APBA2: variants seen among roughly 807,000 people sequenced by gnomAD.
APBA2 encodes the protein amyloid-beta A4 precursor protein-binding family A member 2.
A neutral mutation model predicts 75.0 loss-of-function variants in APBA2; 30 were observed. The observed-to-expected ratio is 0.40, with a 90% confidence interval of 0.30 to 0.54. The LOEUF (loss-of-function observed/expected upper bound fraction) is 0.54, where lower values mean the gene tolerates loss of function less well. Ranked by LOEUF, APBA2 falls within the 20% of genes least tolerant of loss-of-function variation. The pLI, the probability that APBA2 is intolerant of heterozygous loss-of-function variation, is 0.49. For missense variants in APBA2, 801 were observed against 1,016.1 expected (o/e 0.79, Z 2.88); for synonymous variants, 444 against 409.6 (o/e 1.08, Z -1.01).
intron 2 of APBA2, among the ~76,000 whole-genome samples, chr15:28,958,456 C>T (rs1025376244): frequency 2.6e-5 from 4 of 152,354 alleles, no homozygotes; most frequent in Admixed American, 2.0e-4. Context: ...GAAAGTGTAG[C>T]GTTTTGGGAT....
chr15:28,916,553 G>A lies in APBA2; in HGVS notation c.-204-5087G>A, dbSNP rs2033699941. On this transcript the variant is annotated intron_variant, in intron 1 of 14. Coordinates refer to ENST00000683413, the MANE Select transcript of APBA2 (RefSeq NM_001353788.2). ...CCCGCTCCCCTCCCCAGAGGACATG[G>A]CTGACAAGCCTTTGAGGGGTTTCCC... 2.0e-5 allele frequency among the ~76,000 whole-genome samples: 3 copies of A among 152,312 alleles called. No homozygotes were observed. The South Asian group carries it at 6.2e-4, about 32-fold the overall frequency.
At chr15:28,984,900 T>A (rs1209495286) in intron 2 of APBA2, among the ~76,000 whole-genome samples, 3 of 137,414 alleles carry the variant, frequency 2.2e-5, no homozygotes, top group South Asian at 4.9e-4. Context: ...TCTCTGGGGG[T>A]TGGGGGGAGC....
Position 29,033,827 on chromosome 15 carries a change from T to C in APBA2, c.-40-20018T>C, listed in dbSNP as rs187602218. Among the ~76,000 whole-genome samples, 174 of 151,440 alleles carry C rather than the reference T, an allele frequency of 1.1e-3. 1 individual carries two copies. The highest frequency in any genetic ancestry group is 3.5e-4 in the Non-Finnish European group (24 of 67,838). ...ATATTTTTAAAAAATTAGCCGAGCG[T>C]GGTGGCGGGCGCCTGTAGTCCCAGC... On this transcript the variant is annotated intron_variant, in intron 3 of 14. Coordinates refer to ENST00000683413, the MANE Select transcript of APBA2 (RefSeq NM_001353788.2).
chr15:29,028,248 T>C (rs1041638314), intron 3 of APBA2, among the ~76,000 whole-genome samples: 1 of 151,964 alleles, frequency 6.6e-6, no homozygotes, highest in Non-Finnish European at 1.5e-5. Context: ...TGAGAACATG[T>C]GATGTTTGGT....
At position 29,117,738 on chromosome 15, in the gene APBA2, T is replaced by TATTA. The variant is rs2045291372; in HGVS notation, c.*606_*609dup. ...GAAAACTCCATATTTATTTAGATGCTATTATTACTGTTTGGACTTTTATTT... is the reference window on the plus strand; with the variant it reads ...GAAAACTCCATATTTATTTAGATGCTATTAATTATTACTGTTTGGACTTTTATTT... On this transcript the variant is annotated 3_prime_UTR_variant, in exon 15 of 15. Transcript: ENST00000683413. The TATTA allele has an allele frequency of 6.9e-6, 1 of 145,262 alleles. No individual in the cohort carries two copies. The highest frequency in any genetic ancestry group is 1.4e-5 in the Non-Finnish European group (1 of 69,478). The allele number at this position is 145,262 out of a possible 1,614,324, so 9.0% of individuals were successfully genotyped here. A position where few individuals can be genotyped will look rare whatever the true frequency, so the allele number is the denominator to read the frequency against.
intron 6 of APBA2, 95 bp from the exon 7 acceptor site, chr15:29,092,979 TG>T: frequency 6.5e-7 from 1 of 1,532,294 alleles, no homozygotes; most frequent in Non-Finnish European, 9.0e-7. Flanking sequence ...CCCCGCATCC[TG>T]GCTGCCGTGT....
Position 28,987,725 on chromosome 15 carries a change from G to GATATATATATATATAT in APBA2, c.-94-8027_-94-8026insTATATATATATATATA, listed in dbSNP as rs1469936230. Among the ~76,000 whole-genome samples, 857 of 117,938 alleles carry GATATATATATATATAT rather than the reference G, an allele frequency of 7.3e-3. 5 individuals are homozygous for GATATATATATATATAT. Among genetic ancestry groups the GATATATATATATATAT allele is most frequent in the East Asian group, 0.018 (51 of 2,902 alleles). The allele number at this position is 117,938 out of a possible 152,430, so 77.4% of individuals were successfully genotyped here. A position where few individuals can be genotyped will look rare whatever the true frequency, so the allele number is the denominator to read the frequency against. ...AAGGGAGTGTCAAAGAATATGTGGA[G>GATATATATATATATAT]AGAGATATATATATATATATATATA... is the stretch of plus-strand genomic sequence containing the variant. On this transcript the variant is annotated intron_variant, in intron 2 of 14. Transcript: ENST00000683413.
chr15:28,941,186 G>A (rs964754134), intron 2 of APBA2, among the ~76,000 whole-genome samples: 2 of 152,198 alleles, frequency 1.3e-5, no homozygotes, highest in African/African-American at 2.4e-5. Flanking sequence ...CAGGTGGCAG[G>A]TTGGGAGGTT....
intron 2 of APBA2, among the ~76,000 whole-genome samples, chr15:28,942,883 G>A (rs952248897): frequency 3.9e-5 from 6 of 152,176 alleles, no homozygotes; most frequent in African/African-American, 1.2e-4. Flanking sequence ...CCCGAGGCCC[G>A]TGGCCGCTGG....
At position 29,108,488 on chromosome 15, in the gene APBA2, G is replaced by A. The variant is rs747687051; in HGVS notation, c.2037+99G>A. ...TGGGGCAGGCTATGTCTGGCAGCCT[G>A]GTAGGACCTGGCCTGTGGTTGCAGC... On this transcript the variant is annotated intron_variant, in intron 13 of 14. Transcript: ENST00000683413. 4 of 1,588,000 alleles carry A rather than the reference G, an allele frequency of 2.5e-6. No individual in the cohort carries two copies. In the South Asian group the frequency reaches 3.3e-5, roughly 13 times the overall value.
chr15:28,901,908 A>ATGTGTG lies in APBA2; in HGVS notation c.-205+15658_-205+15663dup, dbSNP rs766260051. The stretch of plus-strand genomic sequence containing the variant: ...GGACCCTGCCCTCGGGGAGCTTTTG[A>ATGTGTG]TGTGTGTGTGTGTGTGTGTGTGTGT... On this transcript the variant is annotated intron_variant, in intron 1 of 14. Coordinates refer to ENST00000683413, the MANE Select transcript of APBA2 (RefSeq NM_001353788.2). 2.9e-3 allele frequency among the ~76,000 whole-genome samples: 194 copies of ATGTGTG among 67,406 alleles called. 10 individuals are homozygous for ATGTGTG. Among genetic ancestry groups the ATGTGTG allele is most frequent in the Middle Eastern group, 0.021 (2 of 96 alleles). 44.2% of individuals were successfully genotyped at this position (67,406 alleles called of 152,430 possible).
At chr15:29,050,981 C>T (rs1036435666) in intron 3 of APBA2, among the ~76,000 whole-genome samples, 1 of 150,118 alleles carries the variant, frequency 6.7e-6, no homozygotes, top group Admixed American at 6.6e-5. Flanking sequence ...GTCCTGACGT[C>T]AAGACATGGA....
rs760544249 is a variant in APBA2 at position 29,093,129 on chromosome 15, A to G, written c.1124A>G (p.Asn375Ser). ...ATCGACGGGATCATCTTTGCTGCCA[A>G]TTACCTGGGGTCCACCCAGCTGCTA... ...DLIDGIIFAA[N>S]YLGSTQLLSE... Residue 375 changes from asparagine (N) to serine (S), a missense_variant, in exon 7 of 15, where the codon AAT becomes AGT. Around this residue, in one of 2 missense-constraint regions of APBA2, gnomAD observed 367 missense variants for 544.5 expected, o/e 0.67. Coordinates refer to ENST00000683413, the MANE Select transcript of APBA2 (RefSeq NM_001353788.2). The G allele has an allele frequency of 9.3e-6, 15 of 1,614,144 alleles. No homozygotes were observed. Among genetic ancestry groups the G allele is most frequent in the Admixed American group, 3.3e-5 (2 of 60,014 alleles).
chr15:28,887,922 G>A (rs1333224957), intron 1 of APBA2, among the ~76,000 whole-genome samples: 7 of 152,080 alleles, frequency 4.6e-5, no homozygotes, highest in South Asian at 2.1e-4. Context: ...CCCTACTGCC[G>A]GTCTCCTGGG....
rs181420220 is a variant in APBA2 at position 29,027,569 on chromosome 15, T to A, written c.-40-26276T>A. Among the ~76,000 whole-genome samples the A allele has an allele frequency of 3.2e-4, 48 of 152,214 alleles. 2 individuals carry two copies. In the East Asian group the frequency reaches 8.7e-3, roughly 28 times the overall value. On this transcript the variant is annotated intron_variant, in intron 3 of 14. Transcript: ENST00000683413. ...TATACTGGGCCAACTTTCAATTAAT[T>A]ACTGTCTTAATTTTTTTTAGTCTTT... is the stretch of plus-strand genomic sequence containing the variant.
chr15:29,115,594 G>C (rs551101136), intron 14 of APBA2, among the ~76,000 whole-genome samples: 30 of 152,178 alleles, frequency 2.0e-4, no homozygotes, highest in Non-Finnish European at 3.5e-4. Flanking sequence ...CGGGGCGTTG[G>C]AATCCTTTCA....
At chr15:29,088,008 A>G (rs2043370219) in intron 6 of APBA2, among the ~76,000 whole-genome samples, 1 of 151,962 alleles carries the variant, frequency 6.6e-6, no homozygotes, top group African/African-American at 2.4e-5. Context: ...TTTCTTTCAC[A>G]GCCGGAATCT....
At chr15:29,032,267 AT>A (rs2040526554) in intron 3 of APBA2, among the ~76,000 whole-genome samples, 1 of 152,178 alleles carries the variant, frequency 6.6e-6, no homozygotes, top group African/African-American at 2.4e-5. Context: ...TGGGAAGGTA[AT>A]TTTTGGGTAA....
At chr15:29,000,080 CT>C (rs1330969528) in intron 3 of APBA2, among the ~76,000 whole-genome samples, 6 of 152,202 alleles carry the variant, frequency 3.9e-5, no homozygotes, top group Non-Finnish European at 5.9e-5. Flanking sequence ...GGAGGGCCGT[CT>C]GCTTTACTCA....
Sources: allele counts gnomAD v4.1 joint callset (sites outside exome capture counted in the v4.1 genomes callset), GRCh38; gene constraint gnomAD v4.1.1; regional missense constraint gnomAD v4.1.1; transcripts MANE v1.5; gene names NCBI Gene and HGNC (gene_info 2026-07-23, HGNC 2026-07-21).